ARHGEF12: variants seen among roughly 807,000 people sequenced by gnomAD.
ARHGEF12 encodes KMT2A/ARHGEF12 fusion protein.
Under a neutral mutation model 211.2 loss-of-function variants are expected in ARHGEF12, and 66 were observed. The ratio of observed to expected loss-of-function variants is 0.31; its 90% CI spans 0.26 to 0.38. The LOEUF is 0.38. Among genes scored for constraint, ARHGEF12 ranks in the 10% least tolerant of loss-of-function variants. The probability of loss-of-function intolerance (pLI) is 1.00; values close to 1 mark genes in which losing one functional copy is unlikely to be tolerated. For synonymous variants in ARHGEF12, 592 were observed against 638.4 expected, an observed-to-expected ratio of 0.93 and a Z score of 1.09; for missense variants, 1,429 against 1,869.5, an observed-to-expected ratio of 0.76 and a Z score of 4.34.
At chr11:120,446,275 G>A (rs1043744488) in intron 16 of ARHGEF12, 128 bp from the exon 17 acceptor site, 14 of 359,298 alleles carry the variant, frequency 3.9e-5, no homozygotes, top group African/African-American at 1.3e-4. Flanking sequence ...TGAAATATAC[G>A]AACTGCCCTG....
intron 11 of ARHGEF12, among the ~76,000 whole-genome samples, chr11:120,433,968 A>T (rs1945622976): frequency 6.7e-6 from 1 of 149,088 alleles, no homozygotes; most frequent in South Asian, 2.1e-4. Flanking sequence ...AGGGGTGGGT[A>T]AAAAAAAAAG....
At chr11:120,404,370 A>C (rs1030878061) in intron 1 of ARHGEF12, among the ~76,000 whole-genome samples, 5 of 152,266 alleles carry the variant, frequency 3.3e-5, no homozygotes, top group African/African-American at 1.2e-4. Flanking sequence ...ATATATACAC[A>C]CATATGTACA....
At chr11:120,418,967 T>A (rs1022092633) in intron 4 of ARHGEF12, among the ~76,000 whole-genome samples, 8 of 152,180 alleles carry the variant, frequency 5.3e-5, no homozygotes, top group Admixed American at 2.0e-4. Flanking sequence ...TTTCATTTTC[T>A]TTTTCTTTTT....
chr11:120,446,824 T>C, intron 17 of ARHGEF12, 124 bp from the exon 18 acceptor site: 2 of 1,211,258 alleles, frequency 1.7e-6, no homozygotes, highest in South Asian at 1.6e-5. Context: ...CATGGACCCA[T>C]AAGTGGAAAA....
chr11:120,413,441 G>C (rs1250192396), intron 4 of ARHGEF12, among the ~76,000 whole-genome samples: 3 of 152,180 alleles, frequency 2.0e-5, no homozygotes, highest in East Asian at 1.9e-4. Flanking sequence ...TTGAATGAAT[G>C]ATTGTTGAGA....
chr11:120,411,980 G>C (rs1213912144), intron 4 of ARHGEF12: 1 of 152,082 alleles, frequency 6.6e-6, no homozygotes, highest in African/African-American at 2.4e-5. Context: ...TTGTGAACTA[G>C]ATTTACTTTG....
At chr11:120,471,851 G>A (rs1175213560) in intron 30 of ARHGEF12, among the ~76,000 whole-genome samples, 2 of 152,088 alleles carry the variant, frequency 1.3e-5, no homozygotes, top group South Asian at 2.1e-4. Flanking sequence ...TGATATTGTG[G>A]GGGAATGTAC....
intron 27 of ARHGEF12, chr11:120,463,417 C>T (rs145192391): frequency 0.017 from 2,480 of 149,114 alleles, 32 homozygotes; most frequent in Non-Finnish European, 0.028. Context: ...CCCAGCTACT[C>T]GGGAGGCTGA....
At chr11:120,347,224 C>CTTTCTTTCTCTTTCTTTT (rs1942787742) in intron 1 of ARHGEF12, among the ~76,000 whole-genome samples, 1 of 131,058 alleles carries the variant, frequency 7.6e-6, no homozygotes, top group Non-Finnish European at 1.6e-5. Flanking sequence ...TTCTTTCTTT[C>CTTTCTTTCTCTTTCTTTT]TTTCTCTCTG....
At chr11:120,360,394 T>C (rs573548373) in intron 1 of ARHGEF12, among the ~76,000 whole-genome samples, 3 of 152,166 alleles carry the variant, frequency 2.0e-5, no homozygotes, top group Non-Finnish European at 4.4e-5. Context: ...CTCTTTATTA[T>C]TTTATTTATT....
At chr11:120,425,121 G>A (rs1565471267) in intron 7 of ARHGEF12, among the ~76,000 whole-genome samples, 1 of 152,080 alleles carries the variant, frequency 6.6e-6, no homozygotes, top group Non-Finnish European at 1.5e-5. Context: ...TGAGTTATGG[G>A]CAAGCCAGGC....
At position 120,347,204 on chromosome 11, in the gene ARHGEF12, C is replaced by CTTTCTTTCTTTCTT. The variant is rs59764380; in HGVS notation, c.32+9930_32+9931insTTCTTTCTTTCTTT. 8.4e-4 allele frequency among the ~76,000 whole-genome samples: 51 copies of CTTTCTTTCTTTCTT among 60,370 alleles called. No individual in the cohort carries two copies. In the East Asian group the frequency reaches 0.012, roughly 14 times the overall value. The allele number at this position is 60,370 out of a possible 152,430, so 39.6% of individuals were successfully genotyped here. A position where few individuals can be genotyped will look rare whatever the true frequency, so the allele number is the denominator to read the frequency against. ...CCTTCCTTTCTTTCTTTCTTTCTTTCTCTTTCTTTTTCTTTCTTTCTTTCT... is the reference window on the plus strand; with the variant it reads ...CCTTCCTTTCTTTCTTTCTTTCTTTCTTTCTTTCTTTCTTTCTTTCTTTTTCTTTCTTTCTTTCT... On this transcript the variant is annotated intron_variant, in intron 1 of 40. Transcript: ENST00000397843.
At chr11:120,437,540 AAG>A (rs1945731708) in intron 12 of ARHGEF12, among the ~76,000 whole-genome samples, 158 bp downstream of exon 12, 1 of 152,200 alleles carries the variant, frequency 6.6e-6, no homozygotes, top group Admixed American at 6.5e-5. Context: ...TGAATAAGTC[AAG>A]AGATATTCCA....
At position 120,431,931 on chromosome 11, in the gene ARHGEF12, A is replaced by C; in HGVS notation, c.924+20A>C. On this transcript the variant is annotated intron_variant, in intron 11 of 40. Coordinates refer to ENST00000397843, the MANE Select transcript of ARHGEF12 (RefSeq NM_015313.3). The stretch of plus-strand genomic sequence containing the variant: ...GCAGATGTAAGCTTTCAGTTTTCTA[A>C]ATCTTTTTTCTTCTGTATTCTTCTT... 1 of 1,567,240 alleles carries C rather than the reference A, an allele frequency of 6.4e-7. No homozygotes were observed. Among genetic ancestry groups the C allele is most frequent in the Non-Finnish European group, 8.6e-7 (1 of 1,158,578 alleles).
chr11:120,383,985 C>T (rs182560687), intron 1 of ARHGEF12, among the ~76,000 whole-genome samples: 2 of 152,132 alleles, frequency 1.3e-5, no homozygotes, highest in East Asian at 3.9e-4. Context: ...CCTCATCAGC[C>T]AACACAGGCT....
intron 27 of ARHGEF12, chr11:120,463,947 A>G (rs1015147001): frequency 2.0e-5 from 3 of 152,252 alleles, no homozygotes; most frequent in African/African-American, 7.2e-5. Flanking sequence ...TTTGACTTCT[A>G]CGAGCACCTA....
chr11:120,347,147 C>CTTT (rs1491449720), intron 1 of ARHGEF12, among the ~76,000 whole-genome samples: 4,606 of 46,396 alleles, frequency 0.099, 306 homozygotes, highest in Non-Finnish European at 0.11. Context: ...TTCCTTCCTT[C>CTTT]CTTCCTTCCT....
intron 27 of ARHGEF12, chr11:120,464,853 C>G (rs1319974984): frequency 1.2e-5 from 2 of 161,402 alleles, no homozygotes; most frequent in Admixed American, 6.3e-5. Flanking sequence ...ACTAAAAATA[C>G]AAAAATTAGC....
At position 120,337,207 on chromosome 11, in the gene ARHGEF12, A is replaced by G. The variant is rs754652014; in HGVS notation, c.-37A>G. 5.0e-6 allele frequency: 8 copies of G among 1,613,918 alleles called. No homozygotes were observed. On this transcript the variant is annotated 5_prime_UTR_variant, in exon 1 of 41. Transcript: ENST00000397843. ...GGAGGAGGTGTTACTGTAAAATGCA[A>G]GTTGGATAAAAGGAGGACCTCTCGC...
Sources: allele counts gnomAD v4.1 joint callset (sites outside exome capture counted in the v4.1 genomes callset), GRCh38; gene constraint gnomAD v4.1.1; transcripts MANE v1.5; gene names NCBI Gene and HGNC (gene_info 2026-07-23, HGNC 2026-07-21).